NAV1: variants seen among roughly 807,000 people sequenced by gnomAD.
NAV1 encodes neuron navigator 1.
In NAV1, 18 loss-of-function variants were observed where a neutral mutation model predicts 175.2. That is an observed-to-expected ratio of 0.10 (90% CI 0.07 to 0.15). The LOEUF (loss-of-function observed/expected upper bound fraction) is 0.15, where lower values mean the gene tolerates loss of function less well. Among genes scored for constraint, NAV1 ranks in the 10% least tolerant of loss-of-function variants. The pLI is 1.00. For synonymous variants in NAV1, 897 were observed against 978.7 expected (o/e 0.92, Z 1.56); for missense variants, 1,731 against 2,436.6 (o/e 0.71, Z 6.10).
At chr1:201,794,626 A>G in intron 15 of NAV1, 49 bp downstream of exon 19, 1 of 1,500,750 alleles carries the variant, frequency 6.7e-7, no homozygotes, top group Non-Finnish European at 9.3e-7. Context: ...CAGGAAAGTA[A>G]GAGTATTACA....
At chr1:201,669,461 G>C (rs1282331349) in intron 1 of NAV1, among the ~76,000 whole-genome samples, 1 of 152,156 alleles carries the variant, frequency 6.6e-6, no homozygotes, top group African/African-American at 2.4e-5. Context: ...GGTGGCAGTG[G>C]TGCAACATGA....
Position 201,718,242 on chromosome 1 carries a change from C to A in NAV1, c.861-148C>A. 1 of 690,972 alleles carries A rather than the reference C, an allele frequency of 1.4e-6. No individual in the cohort carries two copies. The highest frequency in any genetic ancestry group is 1.8e-5 in the African/African-American group (1 of 55,882). 42.8% of individuals were successfully genotyped at this position (690,972 alleles called of 1,614,324 possible). A position where few individuals can be genotyped will look rare whatever the true frequency, so the allele number is the denominator to read the frequency against. On this transcript the variant is annotated intron_variant, in intron 2 of 29. Transcript: ENST00000367296. This position sits in a 1 kb window ranked among gnomAD's most constrained non-coding sequence, Gnocchi z 4.8. ...CACAAAGGTAACACACAACCAGAGG[C>A]CTCATGGAGGAGGTGGAGCTTGGGC...
chr1:201,766,451 G>T (rs560757234), intron 3 of NAV1, among the ~76,000 whole-genome samples: 1 of 152,250 alleles, frequency 6.6e-6, no homozygotes, highest in African/African-American at 2.4e-5. Flanking sequence ...ACAGAATGTT[G>T]GTTTCTCTAG....
At chr1:201,696,350 T>C (rs1671190867) in intron 1 of NAV1, among the ~76,000 whole-genome samples, 2 of 152,206 alleles carry the variant, frequency 1.3e-5, no homozygotes, top group Admixed American at 1.3e-4. Context: ...CCATGGATCT[T>C]GGCAAGCAGG....
chr1:201,575,430 A>G (rs1666666700), intron 1 of NAV1, among the ~76,000 whole-genome samples: 1 of 152,214 alleles, frequency 6.6e-6, no homozygotes, highest in South Asian at 2.1e-4. Flanking sequence ...CTCAGCCAGT[A>G]TTTATTGACA....
At chr1:201,654,060 C>A (rs1388790649) in intron 1 of NAV1, among the ~76,000 whole-genome samples, 17 of 152,234 alleles carry the variant, frequency 1.1e-4, no homozygotes, top group Admixed American at 1.1e-3. Flanking sequence ...CTTTGACTCA[C>A]AGCCCATGGC....
chr1:201,596,867 C>T (rs1667362618), intron 2 of NAV1, among the ~76,000 whole-genome samples: 1 of 151,986 alleles, frequency 6.6e-6, no homozygotes. Context: ...CTCTTGTTGC[C>T]CAGGCTGGAG....
chr1:201,669,224 T>C (rs890472903), intron 1 of NAV1, among the ~76,000 whole-genome samples: 3 of 152,164 alleles, frequency 2.0e-5, no homozygotes, highest in African/African-American at 7.2e-5. Context: ...GTGGAGCAAA[T>C]GATCACAGAA....
At chr1:201,774,081 T>C (rs1004126398) in intron 3 of NAV1, among the ~76,000 whole-genome samples, 1 of 152,244 alleles carries the variant, frequency 6.6e-6, no homozygotes, top group African/African-American at 2.4e-5. Context: ...CTGCATTCTT[T>C]GTTGTTTTCA....
chr1:201,784,345 A>G (rs939002535), intron 7 of NAV1, among the ~76,000 whole-genome samples: 2 of 152,000 alleles, frequency 1.3e-5, no homozygotes, highest in Non-Finnish European at 2.9e-5. Flanking sequence ...TTTAGTAGAG[A>G]CCAGGTTTCA....
chr1:201,691,789 C>T (rs1178828754), intron 1 of NAV1, among the ~76,000 whole-genome samples: 1 of 152,220 alleles, frequency 6.6e-6, no homozygotes, highest in East Asian at 1.9e-4. Context: ...TTGATCACAA[C>T]TCCGTCCTGA....
chr1:201,779,363 G>A (rs984985739), intron 3 of NAV1, among the ~76,000 whole-genome samples: 13 of 151,726 alleles, frequency 8.6e-5, no homozygotes, highest in Middle Eastern at 3.4e-3. Flanking sequence ...AGGCTGAGGC[G>A]GGCAGATCAC....
intron 1 of NAV1, among the ~76,000 whole-genome samples, chr1:201,576,573 C>CAA (rs35832486): frequency 6.3e-4 from 92 of 146,190 alleles, no homozygotes; most frequent in South Asian, 4.1e-3. Flanking sequence ...AGACCCTCTC[C>CAA]AAAAAAAAAA....
At chr1:201,603,624 C>T (rs1043147997) in intron 2 of NAV1, among the ~76,000 whole-genome samples, 6 of 152,168 alleles carry the variant, frequency 3.9e-5, no homozygotes, top group African/African-American at 1.2e-4. Flanking sequence ...ATCACTGAAC[C>T]CTTCCCTTCC....
At chr1:201,721,676 C>A (rs1255796269) in intron 3 of NAV1, among the ~76,000 whole-genome samples, 1 of 152,250 alleles carries the variant, frequency 6.6e-6, no homozygotes, top group African/African-American at 2.4e-5. Flanking sequence ...CACTGCGACA[C>A]CCCTGCCCAC....
chr1:201,648,580 C>T, exon 1 of NAV1: 1 of 1,266,652 alleles, frequency 7.9e-7, no homozygotes, highest in Non-Finnish European at 9.9e-7. Flanking sequence ...CTCCTCCTCC[C>T]CCGCCTCCTC....
intron 1 of NAV1, among the ~76,000 whole-genome samples, chr1:201,676,021 G>T (rs146577753): frequency 6.6e-6 from 1 of 152,168 alleles, no homozygotes; most frequent in Non-Finnish European, 1.5e-5. Context: ...CCCTCTCTGC[G>T]TCTCAAAAGT....
upstream of NAV1, among the ~76,000 whole-genome samples, chr1:201,618,389 G>C (rs1319090240): frequency 2.0e-5 from 3 of 152,180 alleles, no homozygotes; most frequent in African/African-American, 7.2e-5. Flanking sequence ...GGGAAAACTA[G>C]CTAGATCTCC....
chr1:201,770,851 G>A (rs1328163074), intron 3 of NAV1, among the ~76,000 whole-genome samples: 1 of 152,180 alleles, frequency 6.6e-6, no homozygotes, highest in East Asian at 1.9e-4. Context: ...GGGCAGGACA[G>A]AAATCTGAGA....
Sources: gnomAD v4.1 joint callset for allele counts (sites outside exome capture counted in the v4.1 genomes callset) on GRCh38, gnomAD v4.1.1 for gene constraint, Gnocchi (gnomAD v3.1) non-coding constraint, MANE v1.5 for transcripts, NCBI Gene and HGNC (gene_info 2026-07-23, HGNC 2026-07-21) for gene names.